ACTN1: variants seen among roughly 807,000 people sequenced by gnomAD.
The protein encoded by ACTN1 is actinin alpha 1.
Under a neutral mutation model 119.6 loss-of-function variants are expected in ACTN1, and 30 were observed. The observed-to-expected ratio is 0.25, with a 90% CI of 0.19 to 0.34. The LOEUF (loss-of-function observed/expected upper bound fraction) is 0.34, where lower values mean the gene tolerates loss of function less well. ACTN1 is among the 10% of genes least tolerant of loss of function. ACTN1 has a pLI of 1.00. For missense variants in ACTN1, 764 were observed against 1,223.4 expected, an observed-to-expected ratio of 0.62 and a Z score of 5.60; for synonymous variants, 429 against 472.6, an observed-to-expected ratio of 0.91 and a Z score of 1.20.
chr14:68,970,292 C>G (rs966614080), intron 1 of ACTN1, among the ~76,000 whole-genome samples: 1 of 152,166 alleles, frequency 6.6e-6, no homozygotes. Context: ...CACTGCCCCC[C>G]ACTTGGTGCT....
chr14:68,966,888 C>G (rs550296500), intron 1 of ACTN1, among the ~76,000 whole-genome samples: 1 of 152,322 alleles, frequency 6.6e-6, no homozygotes, highest in African/African-American at 2.4e-5. Context: ...ATGCAATAAC[C>G]CCACCCTCCA....
intron 7 of ACTN1, among the ~76,000 whole-genome samples, chr14:68,903,122 TACTTCA>T (rs2033444964): frequency 6.6e-6 from 1 of 152,204 alleles, no homozygotes; most frequent in African/African-American, 2.4e-5. Context: ...TGCTTTAAGA[TACTTCA>T]ACAAAGAAAA....
At chr14:68,952,033 T>C (rs1566668792) in intron 1 of ACTN1, among the ~76,000 whole-genome samples, 1 of 152,076 alleles carries the variant, frequency 6.6e-6, no homozygotes, top group Non-Finnish European at 1.5e-5. Context: ...AAACAAACAG[T>C]AGCCAAAAGG....
At chr14:68,877,274 C>T (rs2031012602) in intron 20 of ACTN1, 34 bp from the exon 21 acceptor site, 2 of 1,612,328 alleles carry the variant, frequency 1.2e-6, no homozygotes, top group East Asian at 2.2e-5. Flanking sequence ...GCCTGTCAGC[C>T]CATGGCCTGC....
chr14:68,899,933 G>A (rs534587293), intron 8 of ACTN1, among the ~76,000 whole-genome samples: 4 of 152,308 alleles, frequency 2.6e-5, no homozygotes, highest in Admixed American at 1.3e-4. Context: ...CCCTGGCTGC[G>A]AGGGGCCAGG....
intron 6 of ACTN1, among the ~76,000 whole-genome samples, chr14:68,906,991 G>GC (rs1025564536): frequency 1.3e-5 from 2 of 151,892 alleles, no homozygotes; most frequent in East Asian, 3.9e-4. Flanking sequence ...ACAGAAGGGG[G>GC]GCTGGGCGCG....
chr14:68,938,232 G>A (rs920462676), intron 1 of ACTN1, among the ~76,000 whole-genome samples: 4 of 152,176 alleles, frequency 2.6e-5, no homozygotes, highest in African/African-American at 9.7e-5. Flanking sequence ...CCACCCACCT[G>A]GGAGTGGCTG....
At chr14:68,889,968 A>G (rs2032344248) in intron 11 of ACTN1, among the ~76,000 whole-genome samples, 171 bp downstream of exon 11, 1 of 152,258 alleles carries the variant, frequency 6.6e-6, no homozygotes, top group Admixed American at 6.5e-5. Flanking sequence ...CACTTTACAG[A>G]TGAGGAAGCT....
At chr14:68,918,607 G>A (rs1167835653) in intron 3 of ACTN1, among the ~76,000 whole-genome samples, 1 of 144,452 alleles carries the variant, frequency 6.9e-6, no homozygotes, top group Non-Finnish European at 1.5e-5. Flanking sequence ...AGAAGTTTCA[G>A]ATCTTAGGCC....
At chr14:68,877,891 C>T (rs1326702071) in intron 20 of ACTN1, 1 of 158,082 alleles carries the variant, frequency 6.3e-6, no homozygotes, top group East Asian at 1.9e-4. Flanking sequence ...GTTCACTGCT[C>T]CTAGCCCCAT....
chr14:68,908,578 T>C (rs2033809688), intron 6 of ACTN1, among the ~76,000 whole-genome samples: 1 of 152,144 alleles, frequency 6.6e-6, no homozygotes. Flanking sequence ...GGCCATGCCA[T>C]GTGGCCTCTT....
At position 68,909,522 on chromosome 14, in the gene ACTN1, T is replaced by C. The variant is rs2033873469; in HGVS notation, c.516-126A>G. The C allele has an allele frequency of 1.2e-6, 1 of 832,028 alleles. No individual in the cohort carries two copies. The highest frequency in any genetic ancestry group is 2.2e-5 in the Admixed American group (1 of 45,736). The allele number at this position is 832,028 out of a possible 1,614,324, so 51.5% of individuals were successfully genotyped here. On this transcript the variant is annotated intron_variant, in intron 5 of 21. Transcript: ENST00000394419. This position sits in a 1 kb window ranked among gnomAD's most constrained non-coding sequence, Gnocchi z 4.1. ...ACATAGAGCTTTCTGGGGTAGGAGT[T>C]AGAAGACAGGATGGGAAGGGACATT... is the stretch of plus-strand genomic sequence containing the variant.
chr14:68,979,106 G>C lies in ACTN1; in HGVS notation c.-50C>G. 1.6e-6 allele frequency: 2 copies of C among 1,226,204 alleles called. No homozygotes were observed. Among genetic ancestry groups the C allele is most frequent in the Non-Finnish European group, 2.3e-6 (2 of 873,576 alleles). 76.0% of individuals were successfully genotyped at this position (1,226,204 alleles called of 1,614,324 possible). ...GGATTTCTTCCTCCACCTTCTCTCT[G>C]AGCAACGGCTGCTGCCCTGGCGTGG... is the stretch of plus-strand genomic sequence containing the variant. On this transcript the variant is annotated 5_prime_UTR_variant, in exon 1 of 22. Coordinates refer to ENST00000394419, the MANE Select transcript of ACTN1 (RefSeq NM_001130004.2).
chr14:68,877,637 G>A (rs1041041775), intron 20 of ACTN1: 1 of 167,444 alleles, frequency 6.0e-6, no homozygotes, highest in African/African-American at 2.4e-5. Flanking sequence ...TGAGAAATCT[G>A]AAGCCCAGAC....
intron 10 of ACTN1, 68 bp from the exon 11 acceptor site, chr14:68,890,354 A>G (rs923153471): frequency 9.6e-6 from 15 of 1,564,500 alleles, no homozygotes; most frequent in Middle Eastern, 1.7e-4. Context: ...CTAGCCCCCT[A>G]GACCCCTGAA....
At chr14:68,893,152 A>T (rs546604694) in intron 9 of ACTN1, among the ~76,000 whole-genome samples, 46 of 152,200 alleles carry the variant, frequency 3.0e-4, no homozygotes, top group African/African-American at 8.4e-4. Context: ...GAGGAGGCTT[A>T]ACCTAAATGT....
intron 1 of ACTN1, among the ~76,000 whole-genome samples, chr14:68,946,233 C>T (rs1435981212): frequency 6.6e-6 from 1 of 152,116 alleles, no homozygotes; most frequent in East Asian, 1.9e-4. Context: ...GGGGTGGGGC[C>T]CAGCAGAGGT....
At chr14:68,928,432 C>G (rs1356825423) in intron 1 of ACTN1, among the ~76,000 whole-genome samples, 1 of 152,040 alleles carries the variant, frequency 6.6e-6, no homozygotes, top group Non-Finnish European at 1.5e-5. Flanking sequence ...GAAAGTTTCC[C>G]CAACAAGCAG....
chr14:68,953,592 C>A (rs1430159052), intron 1 of ACTN1, among the ~76,000 whole-genome samples: 2 of 151,986 alleles, frequency 1.3e-5, no homozygotes, highest in Non-Finnish European at 1.5e-5. Context: ...AGAAAAGGGA[C>A]AAGTGACCAG....
Sources: allele counts gnomAD v4.1 joint callset (sites outside exome capture counted in the v4.1 genomes callset), GRCh38; gene constraint gnomAD v4.1.1; non-coding constraint Gnocchi (gnomAD v3.1); transcripts MANE v1.5; gene names NCBI Gene and HGNC (gene_info 2026-07-23, HGNC 2026-07-21).